RGSL1: variants seen among roughly 807,000 people sequenced by gnomAD.
RGSL1 encodes the protein regulator of G protein signaling protein-like.
Under a neutral mutation model 124.7 loss-of-function variants are expected in RGSL1, and 97 were observed. The observed-to-expected ratio is 0.78, with a 90% confidence interval of 0.66 to 0.92. The LOEUF is 0.92. Among genes scored for constraint, RGSL1 ranks in the 40% least tolerant of loss-of-function variants. RGSL1 has a pLI of 0.00. For synonymous variants in RGSL1, 424 were observed against 438.1 expected (o/e 0.97, Z 0.40); for missense variants, 1,233 against 1,288.4 (o/e 0.96, Z 0.66).
intron 17 of RGSL1, 123 bp downstream of exon 17, chr1:182,548,947 G>T (rs1425387865): frequency 4.0e-6 from 5 of 1,248,568 alleles, no homozygotes; most frequent in Non-Finnish European, 5.5e-6. Context: ...GAACTAAGAT[G>T]GTGTTTTCAA....
chr1:182,461,668 A>T (rs188083927), intron 4 of RGSL1, among the ~76,000 whole-genome samples: 1 of 152,258 alleles, frequency 6.6e-6, no homozygotes, highest in East Asian at 1.9e-4. Context: ...GAAAAACCTT[A>T]AAAAAACAAA....
intron 9 of RGSL1, among the ~76,000 whole-genome samples, chr1:182,511,278 C>T (rs1657434202): frequency 6.6e-6 from 1 of 152,094 alleles, no homozygotes; most frequent in Admixed American, 6.5e-5. Flanking sequence ...GATTCTCCTG[C>T]CTCAGCCTCC....
chr1:182,450,523 G>A, intron 1 of RGSL1: 2 of 331,862 alleles, frequency 6.0e-6, no homozygotes, highest in Non-Finnish European at 1.1e-5. Flanking sequence ...ATTATGGCGT[G>A]GAATGGGTGC....
In RGSL1 at chr1:182,530,243, G is replaced by A. The variant is rs1659066320; in HGVS notation, c.2126-1G>A. 3 of 1,545,984 alleles carry A rather than the reference G, an allele frequency of 1.9e-6. No homozygotes were observed. The Admixed American group carries it at 5.9e-5, about 31-fold the overall frequency. The stretch of plus-strand genomic sequence containing the variant: ...CTTCTTTTCTCTCTTGCATTTTCTA[G>A]AAGAAATGCTGCAGTGTGATGCCCC... On this transcript the variant is annotated splice_acceptor_variant, in intron 11 of 21. Coordinates refer to ENST00000294854, the MANE Select transcript of RGSL1 (RefSeq NM_001137669.2). LOFTEE classifies it high-confidence loss of function.
chr1:182,517,404 A>G (rs1657981968), intron 9 of RGSL1, among the ~76,000 whole-genome samples: 1 of 150,170 alleles, frequency 6.7e-6, no homozygotes, highest in Admixed American at 6.7e-5. Flanking sequence ...GTACCTGGAT[A>G]CTTATCTCTT....
intron 14 of RGSL1, among the ~76,000 whole-genome samples, chr1:182,538,264 C>G (rs1164927638): frequency 6.6e-6 from 1 of 152,170 alleles, no homozygotes; most frequent in Non-Finnish European, 1.5e-5. Flanking sequence ...GCTGGTGGCT[C>G]AAGCCTGTAA....
intron 9 of RGSL1, among the ~76,000 whole-genome samples, chr1:182,521,188 G>A (rs1240007899): frequency 6.6e-6 from 1 of 152,098 alleles, no homozygotes; most frequent in African/African-American, 2.4e-5. Flanking sequence ...TCTTGCCTCA[G>A]CCTTCCAAGT....
rs12061958 is a variant in RGSL1, at chr1:182,548,339, G to C, written c.2692G>C (p.Ala898Pro). The C allele has an allele frequency of 6.4e-7, 1 of 1,552,012 alleles. No homozygotes were observed. The highest frequency in any genetic ancestry group is 8.7e-7 in the Non-Finnish European group (1 of 1,147,068). The change falls in exon 16 of 22, where the codon GCC becomes CCC. Residue 898 changes from alanine (A) to proline (P), a missense_variant. Transcript: ENST00000294854. The part of the protein sequence containing the change: ...MEKFNDLVSS[A>P]HMLQVNRAYN... ...TAGATTTAATGATCTGGTCAGTTCA[G>C]CCCACATGCTGCAGGTCAACCGGGC...
chr1:182,522,338 C>G (rs1266038872), intron 10 of RGSL1, among the ~76,000 whole-genome samples: 2 of 152,130 alleles, frequency 1.3e-5, no homozygotes, highest in African/African-American at 4.8e-5. Flanking sequence ...CTTAAACTAT[C>G]ATAGACATCT....
chr1:182,512,553 C>T (rs145215612), intron 9 of RGSL1, among the ~76,000 whole-genome samples: 79 of 152,266 alleles, frequency 5.2e-4, no homozygotes, highest in East Asian at 1.4e-3. Context: ...TCCGGCCCCA[C>T]GGTAGCTTCT....
chr1:182,472,475 C>T lies in RGSL1; in HGVS notation c.381C>T (p.Tyr127=), dbSNP rs748678701. The change falls in exon 5 of 22, where the codon TAC becomes TAT. Residue 127 remains tyrosine (Y), a synonymous_variant. Transcript: ENST00000294854. ...AGATGGACCTGGAAGTGAGAGACTA[C>T]TACCTGTCCCTCCTCCTCATGCTGA... ...IDEMDLEVRD[Y]YLSLLLMLRA... The T allele has an allele frequency of 8.4e-6, 13 of 1,551,078 alleles. 2 individuals are homozygous for T. The South Asian group carries it at 1.3e-4, about 16-fold the overall frequency.
At chr1:182,490,229 T>G (rs1298917131) in intron 8 of RGSL1, among the ~76,000 whole-genome samples, 2 of 152,200 alleles carry the variant, frequency 1.3e-5, no homozygotes, top group African/African-American at 2.4e-5. Flanking sequence ...AGCAAAAGCT[T>G]TGAAAATTCA....
At position 182,474,391 on chromosome 1, in the gene RGSL1, T is replaced by C. The variant is rs199528371; in HGVS notation, c.1280T>C (p.Leu427Ser). Residue 427 changes from leucine (L) to serine (S), a missense_variant, in exon 6 of 22, where the codon TTG (leucine) becomes TCG (serine). Transcript: ENST00000294854. ...AATGGGAATGCAATCTTTCGTCACTTGCTGGGTGACAGAATCTGCGAGCTC... is the reference window on the plus strand; with the variant it reads ...AATGGGAATGCAATCTTTCGTCACTCGCTGGGTGACAGAATCTGCGAGCTC... ...KKNGNAIFRH[L>S]LGDRICELYL... 509 of 1,551,922 alleles carry C rather than the reference T, an allele frequency of 3.3e-4. 1 individual carries two copies. The highest frequency in any genetic ancestry group is 3.5e-4 in the Non-Finnish European group (396 of 1,147,052).
At chr1:182,490,816 C>A (rs1011564201) in intron 8 of RGSL1, among the ~76,000 whole-genome samples, 2 of 152,070 alleles carry the variant, frequency 1.3e-5, no homozygotes, top group African/African-American at 4.8e-5. Context: ...TAATAAAGGG[C>A]CTTCTTTGCA....
chr1:182,530,381 G>A lies in RGSL1; in HGVS notation c.2243+20G>A, dbSNP rs1659080220. The A allele has an allele frequency of 1.3e-6, 2 of 1,530,310 alleles. No homozygotes were observed. The highest frequency in any genetic ancestry group is 1.4e-5 in the African/African-American group (1 of 72,398). The allele number at this position is 1,530,310 out of a possible 1,614,324, so 94.8% of individuals were successfully genotyped here. ...AAAGTGGTGAGTATACTCAATTAAG[G>A]AAAGGATTCTTCCTGGAGTTGCTCC... On this transcript the variant is annotated intron_variant, in intron 12 of 21. Transcript: ENST00000294854.
intron 8 of RGSL1, among the ~76,000 whole-genome samples, chr1:182,490,669 CG>C (rs1250068156): frequency 6.6e-6 from 1 of 152,118 alleles, no homozygotes; most frequent in East Asian, 1.9e-4. Flanking sequence ...GGGCAATAGG[CG>C]TTACTTTGGT....
At chr1:182,552,539 C>G (rs1369132938) in intron 18 of RGSL1, among the ~76,000 whole-genome samples, 3 of 152,198 alleles carry the variant, frequency 2.0e-5, no homozygotes, top group African/African-American at 7.2e-5. Context: ...CTGGGAACAG[C>G]ATCAGAGAGT....
chr1:182,482,086 C>A (rs1171529819), intron 6 of RGSL1, among the ~76,000 whole-genome samples: 1 of 152,166 alleles, frequency 6.6e-6, no homozygotes, highest in Non-Finnish European at 1.5e-5. Flanking sequence ...TTGACCTATG[C>A]AAATCAATCA....
At chr1:182,531,699 C>T (rs548305865) in intron 13 of RGSL1, among the ~76,000 whole-genome samples, 40 of 152,272 alleles carry the variant, frequency 2.6e-4, no homozygotes, top group African/African-American at 9.4e-4. Context: ...GTCATATAGA[C>T]TACTAAAAAG....
Sources: allele counts gnomAD v4.1 joint callset (sites outside exome capture counted in the v4.1 genomes callset), GRCh38; gene constraint gnomAD v4.1.1; transcripts MANE v1.5; gene names NCBI Gene and HGNC (gene_info 2026-07-23, HGNC 2026-07-21).